The following SPSB1 variants were observed in gnomAD, a reference collection of about 807,000 sequenced individuals.
SPSB1 encodes SPRY domain-containing SOCS box protein 1.
In SPSB1, 8 loss-of-function variants were observed where a neutral mutation model predicts 21.2. The ratio of observed to expected loss-of-function variants is 0.38; its 90% CI spans 0.22 to 0.68. SPSB1 has a LOEUF of 0.68. Ranked by LOEUF, SPSB1 falls within the 30% of genes least tolerant of loss-of-function variation. The pLI is 0.53. For synonymous variants in SPSB1, 169 were observed against 161.7 expected, an observed-to-expected ratio of 1.05 and a Z score of -0.34; for missense variants, 242 against 377.8, an observed-to-expected ratio of 0.64 and a Z score of 2.98.
chr1:9,320,322 G>C (rs1268183830), intron 1 of SPSB1, among the ~76,000 whole-genome samples: 5 of 152,222 alleles, frequency 3.3e-5, no homozygotes, highest in African/African-American at 1.2e-4. Flanking sequence ...TGTCCTCTGT[G>C]TCTGTGTCGC....
At chr1:9,361,471 C>T (rs1282807431) in intron 2 of SPSB1, among the ~76,000 whole-genome samples, 1 of 152,160 alleles carries the variant, frequency 6.6e-6, no homozygotes, top group Non-Finnish European at 1.5e-5. Context: ...CAGCAGTTTG[C>T]CTGCGTGTGT....
rs2275458 is a variant in SPSB1, at chr1:9,367,783, A to G, written c.*208A>G. ...CTCTTTCCCCCTTCCCGACATCAGCAGAAGGCAGCATCCCTGCATGCCGTC... is the reference window on the plus strand; with the variant it reads ...CTCTTTCCCCCTTCCCGACATCAGCGGAAGGCAGCATCCCTGCATGCCGTC... On this transcript the variant is annotated 3_prime_UTR_variant, in exon 3 of 3. Transcript: ENST00000328089. This position sits in a 1 kb window ranked among gnomAD's most constrained non-coding sequence, Gnocchi z 5.9. 311,387 of 708,396 alleles carry G rather than the reference A, an allele frequency of 0.44. 71,215 individuals are homozygous for G. Among genetic ancestry groups the G allele is most frequent in the Admixed American group, 0.48 (16,118 of 33,292 alleles). The allele number at this position is 708,396 out of a possible 1,614,324, so 43.9% of individuals were successfully genotyped here.
In SPSB1 at chr1:9,361,156, C is replaced by CTTTTTTTTTTT. The variant is rs57871457; in HGVS notation, c.694+4588_694+4598dup. ...CAGGCATGGCTGGATCTGTCATTTTCTTTTTTTTTTTTTTTTTTTTTTTTT... is the reference window on the plus strand; with the variant it reads ...CAGGCATGGCTGGATCTGTCATTTTCTTTTTTTTTTTTTTTTTTTTTTTTTTTTTTTTTTTT... On this transcript the variant is annotated intron_variant, in intron 2 of 2. Coordinates refer to ENST00000328089, the MANE Select transcript of SPSB1 (RefSeq NM_025106.4). 1.6e-4 allele frequency among the ~76,000 whole-genome samples: 16 copies of CTTTTTTTTTTT among 102,570 alleles called. 1 individual carries two copies. The highest frequency in any genetic ancestry group is 6.2e-4 in the African/African-American group (15 of 24,218). The allele number at this position is 102,570 out of a possible 152,430, so 67.3% of individuals were successfully genotyped here.
intron 1 of SPSB1, chr1:9,339,312 G>T (rs1051910123): frequency 1.0e-6 from 1 of 985,268 alleles, no homozygotes; most frequent in Non-Finnish European, 1.2e-6. Context: ...CCAGCCACAT[G>T]TGGGTGGTCT....
chr1:9,299,179 T>C (rs1639274412), intron 1 of SPSB1, among the ~76,000 whole-genome samples: 2 of 152,280 alleles, frequency 1.3e-5, no homozygotes, highest in Admixed American at 1.3e-4. Context: ...ATCTGACGAA[T>C]GCCCTTCTCT....
intron 1 of SPSB1, among the ~76,000 whole-genome samples, chr1:9,325,231 C>CAA (rs1402405083): frequency 4.0e-5 from 6 of 150,158 alleles, no homozygotes; most frequent in Non-Finnish European, 5.9e-5. Flanking sequence ...CACCACCCCC[C>CAA]CCCCCCGCCC....
At chr1:9,350,278 CAGG>C (rs1640235770) in intron 1 of SPSB1, among the ~76,000 whole-genome samples, 4 of 152,206 alleles carry the variant, frequency 2.6e-5, no homozygotes, top group Non-Finnish European at 5.9e-5. Flanking sequence ...GGGCTGCGGA[CAGG>C]AGAACTGTCA....
chr1:9,311,747 C>A (rs915944372), intron 1 of SPSB1, among the ~76,000 whole-genome samples: 1 of 152,106 alleles, frequency 6.6e-6, no homozygotes, highest in South Asian at 2.1e-4. Context: ...AGACGTGAAA[C>A]GTGGCTTTAT....
At chr1:9,294,020 C>CT (rs1639165958) in intron 1 of SPSB1, among the ~76,000 whole-genome samples, 1 of 105,020 alleles carries the variant, frequency 9.5e-6, no homozygotes, top group South Asian at 4.0e-4. Flanking sequence ...GCCTGAGACT[C>CT]TAAGTGACTG....
chr1:9,340,597 G>A (rs936350503), intron 1 of SPSB1, among the ~76,000 whole-genome samples: 30 of 152,354 alleles, frequency 2.0e-4, no homozygotes, highest in African/African-American at 4.6e-4. Context: ...CACGCCTGGC[G>A]GGAAGATGGC....
In SPSB1 at chr1:9,355,865, G is replaced by A. The variant is rs138898717; in HGVS notation, c.-27G>A. ...GATTGATGAGTTTGCCTTGGGAGTCGGTAAGAAGGTGAAGCCAGGGGCGAA... is the reference window on the plus strand; with the variant it reads ...GATTGATGAGTTTGCCTTGGGAGTCAGTAAGAAGGTGAAGCCAGGGGCGAA... On this transcript the variant is annotated 5_prime_UTR_variant, in exon 2 of 3. Transcript: ENST00000328089. 9.2e-6 allele frequency: 14 copies of A among 1,523,036 alleles called. No homozygotes were observed. Among genetic ancestry groups the A allele is most frequent in the African/African-American group, 6.9e-5 (5 of 72,132 alleles). 94.3% of individuals were successfully genotyped at this position (1,523,036 alleles called of 1,614,324 possible).
At chr1:9,349,752 G>A (rs960327873) in intron 1 of SPSB1, among the ~76,000 whole-genome samples, 9 of 152,296 alleles carry the variant, frequency 5.9e-5, no homozygotes, top group Middle Eastern at 3.4e-3. Flanking sequence ...AGGTCCTTTC[G>A]GGAGTTCCCA....
Position 9,369,194 on chromosome 1 carries a change from T to C in SPSB1, c.*1619T>C, listed in dbSNP as rs1296215292. On this transcript the variant is annotated 3_prime_UTR_variant, in exon 3 of 3. Coordinates refer to ENST00000328089, the MANE Select transcript of SPSB1 (RefSeq NM_025106.4). ...GTGAGAAATGTACATTACCCCCTTA[T>C]TATTTTGACGGTTTTTTTTTTCGGG... 7.0e-6 allele frequency: 1 copy of C among 142,766 alleles called. No individual in the cohort carries two copies. Among genetic ancestry groups the C allele is most frequent in the Non-Finnish European group, 1.5e-5 (1 of 65,414 alleles). The allele number at this position is 142,766 out of a possible 1,614,324, so 8.8% of individuals were successfully genotyped here. A position where few individuals can be genotyped will look rare whatever the true frequency, so the allele number is the denominator to read the frequency against.
chr1:9,335,229 C>T (rs1639985878), intron 1 of SPSB1, among the ~76,000 whole-genome samples: 2 of 152,148 alleles, frequency 1.3e-5, no homozygotes, highest in South Asian at 4.1e-4. Flanking sequence ...GGGTTAGGCA[C>T]AGTGGCTCAC....
intron 1 of SPSB1, among the ~76,000 whole-genome samples, chr1:9,343,733 G>A (rs1192534212): frequency 6.6e-6 from 1 of 152,096 alleles, no homozygotes; most frequent in Non-Finnish European, 1.5e-5. Flanking sequence ...ACTTGACATG[G>A]GAAACCTTTT....
chr1:9,351,931 A>G (rs1569644708), intron 1 of SPSB1, among the ~76,000 whole-genome samples: 1 of 152,184 alleles, frequency 6.6e-6, no homozygotes, highest in South Asian at 2.1e-4. Context: ...TGAAGGAATC[A>G]CCCCACAGTG....
intron 1 of SPSB1, among the ~76,000 whole-genome samples, chr1:9,307,365 G>T (rs922636980): frequency 1.3e-5 from 2 of 152,122 alleles, no homozygotes; most frequent in African/African-American, 2.4e-5. Context: ...TCATCCCGCC[G>T]GAAGGAAACC....
At chr1:9,304,529 G>A (rs1044184210) in intron 1 of SPSB1, among the ~76,000 whole-genome samples, 4 of 152,202 alleles carry the variant, frequency 2.6e-5, no homozygotes, top group Non-Finnish European at 5.9e-5. Context: ...TCCCTGACCT[G>A]CCAGTTGGGA....
At chr1:9,327,161 C>G (rs1362814791) in intron 1 of SPSB1, among the ~76,000 whole-genome samples, 2 of 152,302 alleles carry the variant, frequency 1.3e-5, no homozygotes, top group African/African-American at 4.8e-5. Context: ...CCCAGGATGG[C>G]CCTCTAAGCC....
Sources: gnomAD v4.1 joint callset for allele counts (sites outside exome capture counted in the v4.1 genomes callset) on GRCh38, gnomAD v4.1.1 for gene constraint, Gnocchi (gnomAD v3.1) non-coding constraint, MANE v1.5 for transcripts, NCBI Gene and HGNC (gene_info 2026-07-23, HGNC 2026-07-21) for gene names.